The following ABCA8 variants were observed in gnomAD, a reference collection of about 807,000 sequenced individuals.
ABCA8 encodes the protein ATP binding cassette subfamily A member 8.
A neutral mutation model predicts 192.3 loss-of-function variants in ABCA8; 177 were observed. The observed-to-expected ratio is 0.92, with a 90% CI of 0.81 to 1.04. The LOEUF (loss-of-function observed/expected upper bound fraction) is 1.04. Ranked by LOEUF, ABCA8 falls within the 50% of genes least tolerant of loss-of-function variation. The probability of loss-of-function intolerance (pLI) is 0.00; values close to 1 mark genes in which losing one functional copy is unlikely to be tolerated. For synonymous variants in ABCA8, 642 were observed against 690.2 expected, an observed-to-expected ratio of 0.93 and a Z score of 1.09; for missense variants, 1,915 against 1,904.8, an observed-to-expected ratio of 1.01 and a Z score of -0.10.
intron 2 of ABCA8, among the ~76,000 whole-genome samples, chr17:68,946,666 T>C (rs1161531882): frequency 6.6e-6 from 1 of 152,106 alleles, no homozygotes; most frequent in Non-Finnish European, 1.5e-5. Flanking sequence ...TGGCCGGGCA[T>C]GGTGGCTCAT....
At chr17:68,875,874 G>A (rs1598181752) in intron 35 of ABCA8, 141 bp from the exon 36 acceptor site, 1 of 962,660 alleles carries the variant, frequency 1.0e-6, no homozygotes, top group Non-Finnish European at 1.5e-6. Context: ...AATAGGGCAG[G>A]TAGGATGAGG....
intron 1 of ABCA8, among the ~76,000 whole-genome samples, chr17:68,953,580 G>T (rs1474349192): frequency 1.3e-5 from 2 of 152,136 alleles, no homozygotes; most frequent in Admixed American, 1.3e-4. Flanking sequence ...AGGCCTAAGT[G>T]GAAGCAGACC....
intron 21 of ABCA8, among the ~76,000 whole-genome samples, chr17:68,902,217 T>C (rs558924012): frequency 4.6e-5 from 7 of 152,322 alleles, no homozygotes; most frequent in Admixed American, 3.9e-4. Context: ...ATGAGTCCAG[T>C]GATATTACAT....
intron 26 of ABCA8, 134 bp from the exon 27 acceptor site, chr17:68,885,449 T>A: frequency 2.4e-6 from 2 of 825,962 alleles, no homozygotes; most frequent in Non-Finnish European, 3.6e-6. Flanking sequence ...ATATCTCCAT[T>A]AACAGTTTAT....
In ABCA8 at chr17:68,891,529, C is replaced by A; in HGVS notation, c.3104G>T (p.Cys1035Phe). 6.2e-7 allele frequency: 1 copy of A among 1,613,086 alleles called. No homozygotes were observed. The highest frequency in any genetic ancestry group is 8.5e-7 in the Non-Finnish European group (1 of 1,179,724). The change falls in exon 24 of 40, where the codon TGC (cysteine) becomes TTC (phenylalanine). Residue 1035 changes from cysteine to phenylalanine, a missense_variant. Coordinates refer to ENST00000586539, the MANE Select transcript of ABCA8 (RefSeq NM_001288985.2). Reference sequence around the variant, plus strand: ...GCTGCTCATGGCAATGTAAGGTGGGCAACTCGATGTTAAAACCAGCCAGAA... The same window carrying A: ...GCTGCTCATGGCAATGTAAGGTGGGAAACTCGATGTTAAAACCAGCCAGAA... ...IMFWLVLTSS[C>F]PPYIAMSSID...
intron 26 of ABCA8, among the ~76,000 whole-genome samples, chr17:68,885,620 T>C (rs1439884255): frequency 1.3e-5 from 2 of 152,024 alleles, no homozygotes; most frequent in Non-Finnish European, 2.9e-5. Context: ...TGATCATGGC[T>C]CACTGCAGCC....
At chr17:68,929,824 T>C (rs774035429) in intron 7 of ABCA8, 122 bp from the exon 8 acceptor site, 24 of 916,238 alleles carry the variant, frequency 2.6e-5, no homozygotes, top group Non-Finnish European at 3.3e-5. Context: ...TTTCAACATT[T>C]ATTTATTGGG....
In ABCA8 at chr17:68,868,002, C is replaced by A; in HGVS notation, c.*83G>T. ...CATTTCTGTACTTATAATATAGTTT[C>A]TAAAAATAGAACATTGCTGCTATAA... On this transcript the variant is annotated 3_prime_UTR_variant, in exon 40 of 40. Transcript: ENST00000586539. 9.6e-7 allele frequency: 1 copy of A among 1,043,948 alleles called. No homozygotes were observed. The highest frequency in any genetic ancestry group is 1.4e-6 in the Non-Finnish European group (1 of 725,098). The allele number at this position is 1,043,948 out of a possible 1,614,324, so 64.7% of individuals were successfully genotyped here.
chr17:68,941,841 G>A (rs2068237626), intron 3 of ABCA8, 98 bp downstream of exon 3: 3 of 750,768 alleles, frequency 4.0e-6, no homozygotes, highest in Non-Finnish European at 6.7e-6. Flanking sequence ...AGTGTTTTTG[G>A]TGTATGTGTC....
chr17:68,900,880 CA>C (rs552713201), intron 21 of ABCA8, among the ~76,000 whole-genome samples: 4 of 151,360 alleles, frequency 2.6e-5, no homozygotes, highest in African/African-American at 9.7e-5. Flanking sequence ...AACCCTAAAA[CA>C]AAAAAAAACT....
At position 68,906,056 on chromosome 17, in the gene ABCA8, T is replaced by C. The variant is rs2067057355; in HGVS notation, c.2386A>G (p.Ile796Val). ...GCATTTTATTTACCCGATTCATTAA[T>C]TGTAGATTTTCCTTCTAGCTTCAGG... is the stretch of plus-strand genomic sequence containing the variant. The part of the protein sequence containing the change: ...VFLKLEGKST[I>V]NESDIAILGE... The change falls in exon 19 of 40, where the codon ATT becomes GTT. Residue 796 changes from isoleucine (I) to valine (V), a missense_variant. Transcript: ENST00000586539. 1.3e-6 allele frequency: 2 copies of C among 1,586,412 alleles called. No individual in the cohort carries two copies. Among genetic ancestry groups the C allele is most frequent in the Admixed American group, 1.9e-5 (1 of 53,878 alleles).
Position 68,937,123 on chromosome 17 carries a change from T to C in ABCA8, c.302-8A>G, listed in dbSNP as rs777969213. On this transcript the variant is annotated splice_polypyrimidine_tract_variant and splice_region_variant and intron_variant, in intron 4 of 39. Coordinates refer to ENST00000586539, the MANE Select transcript of ABCA8 (RefSeq NM_001288985.2). ...GTCCCAAGACCTCTTTACCTTTTGT[T>C]ACAAGAAGGAATATTATTGTTAGTA... is the stretch of plus-strand genomic sequence containing the variant. The C allele has an allele frequency of 8.2e-6, 13 of 1,582,744 alleles. No homozygotes were observed. The Admixed American group carries it at 1.1e-4, about 14-fold the overall frequency.
intron 18 of ABCA8, 59 bp from the exon 19 acceptor site, chr17:68,906,222 A>T (rs2067064155): frequency 1.5e-6 from 2 of 1,341,218 alleles, no homozygotes; most frequent in East Asian, 5.2e-5. Flanking sequence ...ACTGAAGACA[A>T]TTTTTCAAAC....
chr17:68,894,645 G>A (rs905238976), intron 22 of ABCA8: 20 of 515,990 alleles, frequency 3.9e-5, no homozygotes, highest in Middle Eastern at 5.0e-4. Context: ...TGAAATGTTC[G>A]AACTTATATA....
At chr17:68,937,648 G>C (rs2143741739) in intron 4 of ABCA8, among the ~76,000 whole-genome samples, 1 of 152,208 alleles carries the variant, frequency 6.6e-6, no homozygotes, top group Admixed American at 6.5e-5. Flanking sequence ...AGGCCACATG[G>C]ATGTTTTATT....
chr17:68,896,001 AG>A (rs748216315), intron 21 of ABCA8, among the ~76,000 whole-genome samples: 1 of 152,150 alleles, frequency 6.6e-6, no homozygotes, highest in Non-Finnish European at 1.5e-5. Flanking sequence ...CTCACAAATC[AG>A]GGGTTCCACA....
chr17:68,894,056 T>C (rs2066685545), intron 23 of ABCA8, 117 bp downstream of exon 23: 1 of 1,116,838 alleles, frequency 9.0e-7, no homozygotes, highest in Non-Finnish European at 1.3e-6. Flanking sequence ...TGAGTCCAAA[T>C]GTTAATTTAT....
At chr17:68,893,721 C>CTCTT (rs1555608549) in intron 23 of ABCA8, among the ~76,000 whole-genome samples, 2 of 127,702 alleles carry the variant, frequency 1.6e-5, no homozygotes, top group African/African-American at 5.8e-5. Context: ...TTCATATTCT[C>CTCTT]TTTTTTTTTT....
intron 20 of ABCA8, 84 bp from the exon 21 acceptor site, chr17:68,902,963 A>G: frequency 1.7e-6 from 2 of 1,193,084 alleles, no homozygotes; most frequent in Non-Finnish European, 2.3e-6. Flanking sequence ...GTAATGGGAT[A>G]AAGAAATTAT....
Sources: allele counts gnomAD v4.1 joint callset (sites outside exome capture counted in the v4.1 genomes callset), GRCh38; gene constraint gnomAD v4.1.1; transcripts MANE v1.5; gene names NCBI Gene and HGNC (gene_info 2026-07-23, HGNC 2026-07-21).